Variants in ALK observed in about 807,000 individuals in gnomAD.
The protein encoded by ALK is ALK receptor tyrosine kinase.
Under a neutral mutation model 163.1 loss-of-function variants are expected in ALK, and 74 were observed. The observed-to-expected ratio is 0.45, with a 90% CI of 0.38 to 0.55. The LOEUF (loss-of-function observed/expected upper bound fraction) is 0.55. Among genes scored for constraint, ALK ranks in the 20% least tolerant of loss-of-function variants. ALK has a pLI of 0.00. For missense variants in ALK, 2,063 were observed against 2,105.3 expected, an observed-to-expected ratio of 0.98 and a Z score of 0.39; for synonymous variants, 960 against 843.2, an observed-to-expected ratio of 1.14 and a Z score of -2.40.
chr2:29,592,276 C>T lies in ALK; in HGVS notation c.953-60160G>A, dbSNP rs74376349. On this transcript the variant is annotated intron_variant, in intron 3 of 28. Coordinates refer to ENST00000389048, the MANE Select transcript of ALK (RefSeq NM_004304.5). ...CCCACCCTAGCCTGAGACCCAGCCA[C>T]ATCACCTGACTCATTGCCACTCCGA... is the stretch of plus-strand genomic sequence containing the variant. Among the ~76,000 whole-genome samples, 1,079 of 152,300 alleles carry T rather than the reference C, an allele frequency of 7.1e-3. 12 individuals carry two copies. The highest frequency in any genetic ancestry group is 0.024 in the African/African-American group (997 of 41,564).
rs144439324 is a variant in ALK at position 29,273,566 on chromosome 2, A to G, written c.2041+1533T>C. Among the ~76,000 whole-genome samples, 3 of 152,294 alleles carry G rather than the reference A, an allele frequency of 2.0e-5. No individual in the cohort carries two copies. The East Asian group carries it at 5.8e-4, about 29-fold the overall frequency. The stretch of plus-strand genomic sequence containing the variant: ...TAAACTCAGGAGTTGAGCAGGGTGG[A>G]TGGCTGTTTCCTAAATGCTGGCTGC... On this transcript the variant is annotated intron_variant, in intron 11 of 28. Transcript: ENST00000389048.
chr2:29,806,637 C>G (rs1015577779), intron 1 of ALK, among the ~76,000 whole-genome samples: 1 of 152,060 alleles, frequency 6.6e-6, no homozygotes, highest in Non-Finnish European at 1.5e-5. Flanking sequence ...AGATGTTGTC[C>G]GGAATGCTGG....
At chr2:29,903,216 T>C (rs868847165) in intron 1 of ALK, among the ~76,000 whole-genome samples, 1 of 152,166 alleles carries the variant, frequency 6.6e-6, no homozygotes, top group African/African-American at 2.4e-5. Flanking sequence ...ATTTGTAGAA[T>C]GAAGAATTGG....
intron 3 of ALK, among the ~76,000 whole-genome samples, chr2:29,598,262 G>A (rs904915244): frequency 6.6e-6 from 1 of 152,218 alleles, no homozygotes; most frequent in South Asian, 2.1e-4. Flanking sequence ...CTGACCTCAG[G>A]TGATCCACCC....
At chr2:29,800,067 G>C (rs573898239) in intron 1 of ALK, among the ~76,000 whole-genome samples, 1 of 152,208 alleles carries the variant, frequency 6.6e-6, no homozygotes, top group African/African-American at 2.4e-5. Flanking sequence ...GGTGCGTGCC[G>C]TGCTCTAAGA....
chr2:29,872,880 GA>G (rs1451224150), intron 1 of ALK, among the ~76,000 whole-genome samples: 2 of 152,176 alleles, frequency 1.3e-5, no homozygotes, highest in Non-Finnish European at 2.9e-5. Context: ...GGAATGTACA[GA>G]CAAATCCTCT....
At chr2:29,621,625 G>A (rs2148229618) in intron 3 of ALK, among the ~76,000 whole-genome samples, 1 of 152,338 alleles carries the variant, frequency 6.6e-6, no homozygotes, top group East Asian at 1.9e-4. Context: ...GTGGGACCCT[G>A]GAAGGGGCCA....
chr2:29,345,994 A>G (rs572179826), intron 5 of ALK, among the ~76,000 whole-genome samples: 7 of 152,274 alleles, frequency 4.6e-5, no homozygotes, highest in African/African-American at 1.7e-4. Context: ...GAATGCTTTG[A>G]GCTCTCTTTT....
At chr2:29,668,715 C>T (rs1677591839) in intron 3 of ALK, among the ~76,000 whole-genome samples, 1 of 152,142 alleles carries the variant, frequency 6.6e-6, no homozygotes, top group East Asian at 1.9e-4. Context: ...TTATTCTGCA[C>T]ATGTATTAGT....
intron 1 of ALK, among the ~76,000 whole-genome samples, chr2:29,919,057 C>T (rs1296705901): frequency 1.3e-5 from 2 of 152,194 alleles, no homozygotes; most frequent in African/African-American, 2.4e-5. Flanking sequence ...CCTGCACACA[C>T]ACACACCCCC....
chr2:29,515,668 A>G (rs533926671), intron 4 of ALK, among the ~76,000 whole-genome samples: 4 of 149,902 alleles, frequency 2.7e-5, no homozygotes, highest in African/African-American at 4.9e-5. Flanking sequence ...TCTTTCCCCA[A>G]TCATGTAGCA....
At chr2:29,429,021 G>A (rs1670210586) in intron 4 of ALK, among the ~76,000 whole-genome samples, 2 of 151,986 alleles carry the variant, frequency 1.3e-5, no homozygotes, top group Admixed American at 1.3e-4. Flanking sequence ...CATCTCAACA[G>A]ACGCAGAAAG....
chr2:29,622,143 C>G (rs995297687), intron 3 of ALK, among the ~76,000 whole-genome samples: 3 of 152,192 alleles, frequency 2.0e-5, no homozygotes, highest in African/African-American at 7.2e-5. Context: ...GTTGGTAAAT[C>G]TGATCGTATA....
chr2:29,734,985 G>A (rs754164191), intron 1 of ALK, among the ~76,000 whole-genome samples: 16 of 152,120 alleles, frequency 1.1e-4, no homozygotes, highest in Non-Finnish European at 1.8e-4. Context: ...GACTAACAAT[G>A]AGTATGTGTA....
chr2:29,711,921 G>C (rs943411311), intron 2 of ALK, among the ~76,000 whole-genome samples: 1 of 152,054 alleles, frequency 6.6e-6, no homozygotes, highest in African/African-American at 2.4e-5. Context: ...TCACCTTTGT[G>C]TCACATGGTC....
At chr2:29,418,231 C>A (rs527653416) in intron 4 of ALK, among the ~76,000 whole-genome samples, 7 of 152,272 alleles carry the variant, frequency 4.6e-5, no homozygotes, top group South Asian at 2.1e-4. Context: ...AGCAGTCAAC[C>A]TTTTACATGC....
intron 3 of ALK, 62 bp from the exon 4 acceptor site, chr2:29,532,178 G>T: frequency 6.7e-7 from 1 of 1,502,374 alleles, no homozygotes; most frequent in Non-Finnish European, 9.2e-7. Flanking sequence ...CAGTAGCTCT[G>T]TGGCAAGACT....
intron 3 of ALK, among the ~76,000 whole-genome samples, chr2:29,691,652 C>T (rs995941336): frequency 2.6e-5 from 4 of 152,140 alleles, no homozygotes; most frequent in Non-Finnish European, 4.4e-5. Context: ...CTAAAGAATG[C>T]TGAGAAGTAA....
chr2:29,426,652 C>A (rs957055554), intron 4 of ALK, among the ~76,000 whole-genome samples: 11 of 152,176 alleles, frequency 7.2e-5, no homozygotes, highest in African/African-American at 2.4e-4. Flanking sequence ...CCTACCCACA[C>A]ACACACCAAA....
Sources: gnomAD v4.1 joint callset for allele counts (sites outside exome capture counted in the v4.1 genomes callset) on GRCh38, gnomAD v4.1.1 for gene constraint, MANE v1.5 for transcripts, NCBI Gene and HGNC (gene_info 2026-07-23, HGNC 2026-07-21) for gene names.